Variants in OPCML observed in about 807,000 individuals in gnomAD.
OPCML encodes the protein opioid binding protein/cell adhesion molecule like.
In OPCML, 13 loss-of-function variants were observed where a neutral mutation model predicts 37.8. The ratio of observed to expected loss-of-function variants is 0.34; its 90% CI spans 0.22 to 0.55. The LOEUF (loss-of-function observed/expected upper bound fraction) is 0.55, where lower values mean the gene tolerates loss of function less well. OPCML is among the 20% of genes least tolerant of loss of function. OPCML has a pLI of 0.91. For missense variants in OPCML, 341 were observed against 435.6 expected (o/e 0.78, Z 1.93); for synonymous variants, 176 against 168.8 (o/e 1.04, Z -0.33).
At chr11:133,508,453 G>A (rs982579688) in intron 1 of OPCML, among the ~76,000 whole-genome samples, 1 of 152,182 alleles carries the variant, frequency 6.6e-6, no homozygotes, top group African/African-American at 2.4e-5. Flanking sequence ...TCTGCCCTCA[G>A]TTTCCCAAAT....
chr11:132,563,806 C>CA (rs1042033455), intron 3 of OPCML, among the ~76,000 whole-genome samples: 1 of 138,336 alleles, frequency 7.2e-6, no homozygotes, highest in Non-Finnish European at 1.6e-5. Flanking sequence ...AAAACAACAA[C>CA]AACAAAAAAA....
chr11:132,664,938 C>T (rs1942156044), intron 2 of OPCML, among the ~76,000 whole-genome samples: 1 of 152,144 alleles, frequency 6.6e-6, no homozygotes, highest in Admixed American at 6.5e-5. Context: ...GAGTACAGCA[C>T]AAAAATATTT....
chr11:132,537,503 T>C (rs373500790), intron 3 of OPCML, among the ~76,000 whole-genome samples: 1 of 152,178 alleles, frequency 6.6e-6, no homozygotes, highest in South Asian at 2.1e-4. Flanking sequence ...AGAAAAACTA[T>C]GTAGCCTTTG....
At chr11:132,474,754 C>T (rs1437103116) in intron 4 of OPCML, among the ~76,000 whole-genome samples, 1 of 152,136 alleles carries the variant, frequency 6.6e-6, no homozygotes, top group Admixed American at 6.5e-5. Context: ...GGAGCACCAC[C>T]CTGAACCAGC....
In OPCML at chr11:132,949,180, A is replaced by G. The variant is rs531191928; in HGVS notation, c.62-6170T>C. ...CTGGAGAAGATAGAATGCCCCAGAG[A>G]AGCTACATGAAACGTAAGGCGACCC... On this transcript the variant is annotated intron_variant, in intron 1 of 7. Coordinates refer to ENST00000524381, the MANE Select transcript of OPCML (RefSeq NM_001012393.5). 3.3e-5 allele frequency among the ~76,000 whole-genome samples: 5 copies of G among 152,314 alleles called. No individual in the cohort carries two copies. In the South Asian group the frequency reaches 1.0e-3, roughly 32 times the overall value.
chr11:133,251,510 T>A (rs982762355), intron 1 of OPCML, among the ~76,000 whole-genome samples: 2 of 151,996 alleles, frequency 1.3e-5, no homozygotes, highest in African/African-American at 4.8e-5. Flanking sequence ...TGGAACATTT[T>A]TCCTTTACCC....
intron 2 of OPCML, among the ~76,000 whole-genome samples, chr11:132,766,944 G>C (rs1472116012): frequency 6.6e-6 from 1 of 152,206 alleles, no homozygotes; most frequent in Admixed American, 6.5e-5. Flanking sequence ...GGAAGTGTTG[G>C]AGAAAAGGGT....
At chr11:133,373,431 A>ATATATATATATATATATG (rs1944722580) in intron 1 of OPCML, among the ~76,000 whole-genome samples, 1 of 121,540 alleles carries the variant, frequency 8.2e-6, no homozygotes, top group Non-Finnish European at 1.7e-5. Flanking sequence ...TAAAATATAT[A>ATATATATATATATATATG]TATATATATA....
intron 1 of OPCML, among the ~76,000 whole-genome samples, chr11:133,396,634 G>A (rs894724191): frequency 6.6e-6 from 1 of 152,150 alleles, no homozygotes; most frequent in Non-Finnish European, 1.5e-5. Context: ...AGTAGTGCAA[G>A]CCTTTCAAGG....
At chr11:133,242,528 T>C (rs1349088392) in intron 1 of OPCML, among the ~76,000 whole-genome samples, 1 of 152,220 alleles carries the variant, frequency 6.6e-6, no homozygotes, top group Non-Finnish European at 1.5e-5. Flanking sequence ...GAATGCTATG[T>C]CCTCATGGGG....
intron 1 of OPCML, among the ~76,000 whole-genome samples, chr11:132,944,971 G>A (rs574700895): frequency 6.6e-6 from 1 of 152,318 alleles, no homozygotes; most frequent in African/African-American, 2.4e-5. Context: ...TATTACTTTA[G>A]TTGCTGAAGG....
intron 1 of OPCML, among the ~76,000 whole-genome samples, chr11:133,190,350 T>C (rs976810296): frequency 3.9e-5 from 6 of 152,240 alleles, no homozygotes; most frequent in Admixed American, 1.3e-4. Flanking sequence ...AATTGATGCC[T>C]ATCAAAAATG....
chr11:133,334,736 A>G (rs1459516582), intron 1 of OPCML, among the ~76,000 whole-genome samples: 1 of 152,222 alleles, frequency 6.6e-6, no homozygotes. Flanking sequence ...CCCTGCTCCC[A>G]TAGAGTGTAC....
At chr11:132,958,555 C>A (rs1946018219) in intron 1 of OPCML, among the ~76,000 whole-genome samples, 1 of 152,206 alleles carries the variant, frequency 6.6e-6, no homozygotes, top group South Asian at 2.1e-4. Flanking sequence ...ACTTTCATAG[C>A]TACAGAGGGG....
intron 1 of OPCML, among the ~76,000 whole-genome samples, chr11:133,244,441 G>C (rs1940845876): frequency 6.6e-6 from 1 of 152,026 alleles, no homozygotes; most frequent in African/African-American, 2.4e-5. Flanking sequence ...ACCTAATAAG[G>C]TAGCAAACAG....
In OPCML at chr11:132,515,899, G is replaced by A. The variant is rs182285408; in HGVS notation, c.505+13162C>T. Among the ~76,000 whole-genome samples, 25 of 152,288 alleles carry A rather than the reference G, an allele frequency of 1.6e-4. 1 individual carries two copies. Among genetic ancestry groups the A allele is most frequent in the Non-Finnish European group, 8.8e-5 (6 of 68,026 alleles). ...AAAAGAGCCTGCAGAGACAGGGAAG[G>A]TCAAAATTCTGGTGTCACACAGAGA... On this transcript the variant is annotated intron_variant, in intron 4 of 7. Coordinates refer to ENST00000524381, the MANE Select transcript of OPCML (RefSeq NM_001012393.5).
At chr11:132,955,900 A>G (rs1467013708) in intron 1 of OPCML, among the ~76,000 whole-genome samples, 1 of 152,106 alleles carries the variant, frequency 6.6e-6, no homozygotes, top group African/African-American at 2.4e-5. Flanking sequence ...AAACAAAGAA[A>G]ATGCTGAACC....
At chr11:133,013,313 A>C (rs948427184) in intron 1 of OPCML, among the ~76,000 whole-genome samples, 8 of 152,262 alleles carry the variant, frequency 5.3e-5, no homozygotes, top group Admixed American at 3.3e-4. Flanking sequence ...TGAAATGTTT[A>C]AAATAATGCA....
chr11:132,493,975 C>T (rs2096223710), intron 4 of OPCML, among the ~76,000 whole-genome samples: 1 of 152,188 alleles, frequency 6.6e-6, no homozygotes, highest in Admixed American at 6.5e-5. Flanking sequence ...GCTGGAGCTT[C>T]CTAAGAGCCA....
Sources: allele counts gnomAD v4.1 joint callset (sites outside exome capture counted in the v4.1 genomes callset), GRCh38; gene constraint gnomAD v4.1.1; transcripts MANE v1.5; gene names NCBI Gene and HGNC (gene_info 2026-07-23, HGNC 2026-07-21).